CDH13: variants seen among roughly 807,000 people sequenced by gnomAD.
CDH13 encodes the protein cadherin 13.
A neutral mutation model predicts 63.8 loss-of-function variants in CDH13; 24 were observed. The observed-to-expected ratio is 0.38, with a 90% CI of 0.27 to 0.53. CDH13 has a LOEUF of 0.53. Among genes scored for constraint, CDH13 ranks in the 20% least tolerant of loss-of-function variants. CDH13 has a pLI of 0.85. For missense variants in CDH13, 1,049 were observed against 903.1 expected (o/e 1.16, Z -2.07); for synonymous variants, 503 against 355.3 (o/e 1.42, Z -4.67).
At chr16:82,975,563 A>G (rs1392590212) in intron 2 of CDH13, among the ~76,000 whole-genome samples, 1 of 152,230 alleles carries the variant, frequency 6.6e-6, no homozygotes, top group Non-Finnish European at 1.5e-5. Flanking sequence ...TAATACAGTG[A>G]ATGGTATAGA....
intron 10 of CDH13, among the ~76,000 whole-genome samples, chr16:83,743,839 G>A (rs992291815): frequency 9.1e-5 from 13 of 142,878 alleles, no homozygotes; most frequent in Non-Finnish European, 1.4e-4. Context: ...ACCGGGCACC[G>A]TCTGCGTCCA....
intron 6 of CDH13, among the ~76,000 whole-genome samples, chr16:83,477,144 C>T (rs1311020178): frequency 2.0e-5 from 3 of 152,208 alleles, no homozygotes; most frequent in Admixed American, 6.5e-5. Flanking sequence ...GGCTGAACTG[C>T]AGCGAATGAA....
chr16:83,180,585 G>A (rs1335012234), intron 4 of CDH13, among the ~76,000 whole-genome samples: 1 of 152,194 alleles, frequency 6.6e-6, no homozygotes, highest in Non-Finnish European at 1.5e-5. Flanking sequence ...CCTAAAAGAA[G>A]CCATATGTTT....
intron 1 of CDH13, among the ~76,000 whole-genome samples, chr16:82,747,777 G>A (rs939495436): frequency 1.3e-5 from 2 of 152,202 alleles, no homozygotes; most frequent in East Asian, 3.8e-4. Context: ...TGTGAAGTAT[G>A]TCAACTCTTG....
intron 5 of CDH13, among the ~76,000 whole-genome samples, chr16:83,233,486 T>A (rs746691881): frequency 6.6e-6 from 1 of 152,214 alleles, no homozygotes; most frequent in Non-Finnish European, 1.5e-5. Flanking sequence ...ATCTTACAGT[T>A]GTTTAGGTCA....
chr16:83,062,821 G>T (rs1431270357), intron 3 of CDH13, among the ~76,000 whole-genome samples: 1 of 152,098 alleles, frequency 6.6e-6, no homozygotes, highest in African/African-American at 2.4e-5. Context: ...TTTTCACCTG[G>T]TAACTTAGCT....
rs151221066 is a variant in CDH13, at chr16:83,060,186, A to G, written c.366+27968A>G. Among the ~76,000 whole-genome samples, 851 of 152,224 alleles carry G rather than the reference A, an allele frequency of 5.6e-3. 4 individuals carry two copies. The highest frequency in any genetic ancestry group is 8.7e-3 in the Non-Finnish European group (590 of 68,024). ...TTTCTGTTTTATCAGTGCCCCTTTG[A>G]TTGATAAACAATATATTAATATAAG... On this transcript the variant is annotated intron_variant, in intron 3 of 13. Transcript: ENST00000567109.
intron 2 of CDH13, among the ~76,000 whole-genome samples, chr16:83,030,084 T>C (rs1380174494): frequency 3.3e-5 from 5 of 152,152 alleles, no homozygotes; most frequent in African/African-American, 1.2e-4. Flanking sequence ...CAGCCTCTGC[T>C]TGTGTCAATG....
intron 3 of CDH13, among the ~76,000 whole-genome samples, chr16:83,116,290 C>G (rs553477921): frequency 3.8e-3 from 584 of 152,240 alleles, no homozygotes; most frequent in Non-Finnish European, 5.3e-3. Context: ...TATCAGCATC[C>G]ATACCTCACG....
At chr16:83,366,723 T>C (rs2091264639) in intron 6 of CDH13, among the ~76,000 whole-genome samples, 1 of 152,182 alleles carries the variant, frequency 6.6e-6, no homozygotes, top group Non-Finnish European at 1.5e-5. Flanking sequence ...GTACTTGTTT[T>C]GGAATATGAC....
At chr16:82,643,967 C>G (rs146670952) in intron 1 of CDH13, among the ~76,000 whole-genome samples, 1 of 151,856 alleles carries the variant, frequency 6.6e-6, no homozygotes, top group African/African-American at 2.4e-5. Context: ...CCATGCTGGT[C>G]TCGAACTCCT....
chr16:83,405,029 A>G (rs1172919463), intron 6 of CDH13, among the ~76,000 whole-genome samples: 1 of 152,186 alleles, frequency 6.6e-6, no homozygotes, highest in African/African-American at 2.4e-5. Flanking sequence ...TAGCAAAATA[A>G]AAGTAGAAGA....
At chr16:82,983,956 G>T (rs941610950) in intron 2 of CDH13, among the ~76,000 whole-genome samples, 1 of 152,180 alleles carries the variant, frequency 6.6e-6, no homozygotes, top group African/African-American at 2.4e-5. Flanking sequence ...AGAGTGGGTA[G>T]CTGGAGGCAT....
At chr16:83,754,346 G>C (rs1043297484) in intron 11 of CDH13, among the ~76,000 whole-genome samples, 2 of 152,194 alleles carry the variant, frequency 1.3e-5, no homozygotes, top group African/African-American at 4.8e-5. Context: ...AGATACTCCA[G>C]ACTTTCAATC....
chr16:82,905,803 T>A (rs56262551), intron 2 of CDH13, among the ~76,000 whole-genome samples: 21,556 of 152,190 alleles, frequency 0.14, 1,685 homozygotes, highest in African/African-American at 0.19. Flanking sequence ...GTATTTATTT[T>A]GCACTTGTGG....
chr16:83,109,432 G>A (rs1597353306), intron 3 of CDH13, among the ~76,000 whole-genome samples: 1 of 152,214 alleles, frequency 6.6e-6, no homozygotes, highest in African/African-American at 2.4e-5. Context: ...TTTAGGATAT[G>A]TTGAGTTTTA....
intron 7 of CDH13, among the ~76,000 whole-genome samples, chr16:83,511,238 G>C (rs568581813): frequency 6.6e-6 from 1 of 152,216 alleles, no homozygotes; most frequent in Non-Finnish European, 1.5e-5. Context: ...TACAAGGGCA[G>C]ATCAACTGAA....
At position 83,084,865 on chromosome 16, in the gene CDH13, G is replaced by C. The variant is rs558080826; in HGVS notation, c.367-40520G>C. On this transcript the variant is annotated intron_variant, in intron 3 of 13. Transcript: ENST00000567109. ...ATCGCACCATTGCACTCCAGCCTGG[G>C]CAATAAGCACAAAACTTCATCTCAA... Among the ~76,000 whole-genome samples, 3 of 152,198 alleles carry C rather than the reference G, an allele frequency of 2.0e-5. No homozygotes were observed. The South Asian group carries it at 6.2e-4, about 32-fold the overall frequency.
At chr16:83,613,050 T>C (rs1014228820) in intron 8 of CDH13, among the ~76,000 whole-genome samples, 4 of 152,212 alleles carry the variant, frequency 2.6e-5, no homozygotes, top group African/African-American at 9.6e-5. Flanking sequence ...TTTTGAAGAA[T>C]ATTTTCACTG....
Sources: allele counts gnomAD v4.1 joint callset (sites outside exome capture counted in the v4.1 genomes callset), GRCh38; gene constraint gnomAD v4.1.1; transcripts MANE v1.5; gene names NCBI Gene and HGNC (gene_info 2026-07-23, HGNC 2026-07-21).